CD151: variants seen among roughly 807,000 people sequenced by gnomAD.
CD151 encodes the protein CD151 molecule (Raph blood group).
CD151 carries 20 observed loss-of-function variants against 34.2 expected under a neutral mutation model. The observed-to-expected ratio is 0.58, with a 90% CI of 0.41 to 0.85. The LOEUF is 0.85. Ranked by LOEUF, CD151 falls within the 40% of genes least tolerant of loss-of-function variation. The pLI is 0.00. For missense variants in CD151, 306 were observed against 324.5 expected, an observed-to-expected ratio of 0.94 and a Z score of 0.44; for synonymous variants, 157 against 131.7, an observed-to-expected ratio of 1.19 and a Z score of -1.32.
chr11:838,720 GT>G lies in CD151; in HGVS notation c.*530del. The G allele has an allele frequency of 1.7e-5, 3 of 173,754 alleles. No individual in the cohort carries two copies. The highest frequency in any genetic ancestry group is 1.3e-4 in the South Asian group (1 of 7,718). 10.8% of individuals were successfully genotyped at this position (173,754 alleles called of 1,614,324 possible). ...CCACGTGGTCACTGTGCACTGCCCT[GT>G]TCATGTGCCTCTGCGGGGCAGGGCC... On this transcript the variant is annotated 3_prime_UTR_variant, in exon 9 of 9. Transcript: ENST00000397420.
intron 4 of CD151, 37 bp from the exon 5 acceptor site, chr11:836,732 C>T: frequency 1.3e-6 from 2 of 1,593,004 alleles, no homozygotes; most frequent in Non-Finnish European, 1.7e-6. Context: ...AGGCACTAGG[C>T]CTCAGAACAA....
At position 837,989 on chromosome 11, in the gene CD151, G is replaced by A. The variant is rs56125304; in HGVS notation, c.663G>A (p.Arg221=). The A allele has an allele frequency of 1.7e-5, 27 of 1,613,358 alleles. No individual in the cohort carries two copies. Among genetic ancestry groups the A allele is most frequent in the Non-Finnish European group, 2.0e-5 (24 of 1,179,898 alleles). The part of the protein sequence containing the change: ...KLETFIQEHL[R]VIGAVGIGIA... ...AGACCTTCATCCAGGAGCACCTGAG[G>A]GTCATTGGGGCTGTGGGGATCGGCA... Residue 221 remains arginine (R), a synonymous_variant, in exon 8 of 9, where the codon AGG becomes AGA. Transcript: ENST00000397420.
intron 7 of CD151, 114 bp from the exon 8 acceptor site, chr11:837,828 C>T (rs951511258): frequency 1.2e-5 from 11 of 904,694 alleles, no homozygotes; most frequent in Middle Eastern, 6.5e-4. Flanking sequence ...TGTTGGTGGC[C>T]TGGCTGCCTA....
At chr11:835,253 T>C (rs1296590389) in intron 2 of CD151, 10 of 152,202 alleles carry the variant, frequency 6.6e-5, no homozygotes, top group Admixed American at 3.9e-4. Context: ...ACACGTCCTG[T>C]TCCCACAGGG....
intron 2 of CD151, chr11:835,849 G>A (rs556824786): frequency 1.1e-4 from 53 of 501,970 alleles, no homozygotes; most frequent in South Asian, 4.6e-4. Flanking sequence ...CACCACGCCC[G>A]GCTAATTTTT....
Position 836,045 on chromosome 11 carries a change from C to T in CD151, c.-7-18C>T. On this transcript the variant is annotated intron_variant, in intron 2 of 8. Transcript: ENST00000397420. ...GCCCGGTGCTGTGGCCCCGCTGACC[C>T]CTCCCCTGCCTCCTCAGCCCCAGGA... 1 of 1,531,976 alleles carries T rather than the reference C, an allele frequency of 6.5e-7. No individual in the cohort carries two copies. Among genetic ancestry groups the T allele is most frequent in the Admixed American group, 1.7e-5 (1 of 59,714 alleles). 94.9% of individuals were successfully genotyped at this position (1,531,976 alleles called of 1,614,324 possible).
chr11:837,042 GCTCT>G (rs911434740), intron 5 of CD151, 199 bp downstream of exon 5: 26 of 655,694 alleles, frequency 4.0e-5, no homozygotes, highest in African/African-American at 2.0e-4. Context: ...GGATCCAGAA[GCTCT>G]CTCTGCCTCT....
chr11:837,393 G>T (rs1331859628), intron 6 of CD151, 39 bp downstream of exon 6: 30 of 1,610,460 alleles, frequency 1.9e-5, no homozygotes, highest in Non-Finnish European at 2.5e-5. Context: ...GCATCCCCAG[G>T]GCCTCCCTGG....
At chr11:834,090 A>C (rs774989680) in intron 1 of CD151, 3 of 152,184 alleles carry the variant, frequency 2.0e-5, no homozygotes, top group Non-Finnish European at 2.9e-5. Context: ...TCCCAGGATC[A>C]GACTGTCCCG....
rs1281408328 is a variant in CD151, at chr11:838,507, AC to A, written c.*318del. On this transcript the variant is annotated 3_prime_UTR_variant, in exon 9 of 9. Coordinates refer to ENST00000397420, the MANE Select transcript of CD151 (RefSeq NM_004357.5). ...CCGAGCGTTCCCAGCAGGGGGAGAA[AC>A]CCTTCACACCCCAGGCCCTTCAGGA... is the stretch of plus-strand genomic sequence containing the variant. The A allele has an allele frequency of 4.1e-6, 2 of 493,812 alleles. No homozygotes were observed. The highest frequency in any genetic ancestry group is 7.3e-6 in the Non-Finnish European group (2 of 273,568). The allele number at this position is 493,812 out of a possible 1,614,324, so 30.6% of individuals were successfully genotyped here. A position where few individuals can be genotyped will look rare whatever the true frequency, so the allele number is the denominator to read the frequency against.
At chr11:837,094 C>T (rs1385249504) in intron 5 of CD151, 156 bp from the exon 6 acceptor site, 19 of 684,418 alleles carry the variant, frequency 2.8e-5, no homozygotes. Context: ...GGTCCTGGCA[C>T]CACCCAACCT....
intron 1 of CD151, among the ~76,000 whole-genome samples, chr11:833,492 G>C (rs1045345482): frequency 6.6e-6 from 1 of 152,238 alleles, no homozygotes; most frequent in Non-Finnish European, 1.5e-5. Context: ...AGTGCCCCGG[G>C]GACGCTTGGC....
At chr11:837,700 C>A in intron 7 of CD151, 82 bp downstream of exon 7, 1 of 1,408,694 alleles carries the variant, frequency 7.1e-7, no homozygotes, top group South Asian at 1.2e-5. Flanking sequence ...GGCAGTGGGA[C>A]ACGCCTCCAA....
intron 6 of CD151, 22 bp from the exon 7 acceptor site, chr11:837,438 C>T (rs541445484): frequency 6.2e-6 from 10 of 1,612,310 alleles, no homozygotes; most frequent in Middle Eastern, 1.7e-4. Context: ...AGGTCTCAAC[C>T]CCAGCCTTGT....
At chr11:833,570 G>T (rs1846623333) in intron 1 of CD151, among the ~76,000 whole-genome samples, 1 of 152,226 alleles carries the variant, frequency 6.6e-6, no homozygotes, top group South Asian at 2.1e-4. Flanking sequence ...CCAGGGGCCT[G>T]GTGCAGGTCC....
At position 836,823 on chromosome 11, in the gene CD151, G is replaced by A. The variant is rs913313056; in HGVS notation, c.331G>A (p.Ala111Thr). The A allele has an allele frequency of 5.6e-6, 9 of 1,612,456 alleles. No individual in the cohort carries two copies. Among genetic ancestry groups the A allele is most frequent in the African/African-American group, 5.3e-5 (4 of 74,848 alleles). The change falls in exon 5 of 9, where the codon GCC becomes ACC. Residue 111 changes from alanine (A) to threonine (T), a missense_variant. Ala to Thr is a moderately conservative substitution (Grantham distance 58, BLOSUM62 0). Coordinates refer to ENST00000397420, the MANE Select transcript of CD151 (RefSeq NM_004357.5). The stretch of plus-strand genomic sequence containing the variant: ...GCTGGAGATCATCGCTGGTATCCTC[G>A]CCTACGCCTACTACCAGCAGGTGAG... ...FLLEIIAGIL[A>T]YAYYQQLNTE... is the part of the protein sequence containing the mutation.
At chr11:836,656 C>A in intron 4 of CD151, 113 bp from the exon 5 acceptor site, 1 of 1,055,286 alleles carries the variant, frequency 9.5e-7, no homozygotes. Context: ...GGGTGGCCGC[C>A]CCTCAGCCCC....
chr11:837,125 C>T (rs530301785), intron 5 of CD151, 125 bp from the exon 6 acceptor site: 2 of 798,626 alleles, frequency 2.5e-6, no homozygotes, highest in African/African-American at 1.7e-5. Flanking sequence ...CGAGGTGTGA[C>T]CTCAGCCCTT....
chr11:838,426 C>T lies in CD151; in HGVS notation c.*234C>T. 1.7e-6 allele frequency: 1 copy of T among 595,014 alleles called. No homozygotes were observed. Among genetic ancestry groups the T allele is most frequent in the Non-Finnish European group, 3.0e-6 (1 of 333,810 alleles). 36.9% of individuals were successfully genotyped at this position (595,014 alleles called of 1,614,324 possible). A position where few individuals can be genotyped will look rare whatever the true frequency, so the allele number is the denominator to read the frequency against. Reference sequence around the variant, plus strand: ...TGTTTTGTGGGGCTCCCCAGACACACTCTCTGCCTGGTGGTCAGATGCAGG... The same window carrying T: ...TGTTTTGTGGGGCTCCCCAGACACATTCTCTGCCTGGTGGTCAGATGCAGG... On this transcript the variant is annotated 3_prime_UTR_variant, in exon 9 of 9. Transcript: ENST00000397420.
Sources: gnomAD v4.1 joint callset for allele counts (sites outside exome capture counted in the v4.1 genomes callset) on GRCh38, gnomAD v4.1.1 for gene constraint, MANE v1.5 for transcripts, NCBI Gene and HGNC (gene_info 2026-07-23, HGNC 2026-07-21) for gene names.